HIVEP3: variants seen among roughly 807,000 people sequenced by gnomAD.
HIVEP3 encodes HIVEP zinc finger 3, also known as transcription factor HIVEP3.
In HIVEP3, 49 loss-of-function variants were observed where a neutral mutation model predicts 152.8. The observed-to-expected ratio is 0.32, with a 90% CI of 0.26 to 0.41. The LOEUF is 0.41. HIVEP3 is among the 10% of genes least tolerant of loss of function. The probability of loss-of-function intolerance (pLI) is 1.00; values close to 1 mark genes in which losing one functional copy is unlikely to be tolerated. For missense variants in HIVEP3, 2,790 were observed against 3,103.3 expected (o/e 0.90, Z 2.40); for synonymous variants, 1,269 against 1,289.0 (o/e 0.98, Z 0.33).
At chr1:41,725,808 A>C (rs1017381522) in intron 1 of HIVEP3, among the ~76,000 whole-genome samples, 9 of 152,250 alleles carry the variant, frequency 5.9e-5, no homozygotes, top group African/African-American at 2.2e-4. Flanking sequence ...TGAGTTGACC[A>C]GTCCCAGGGT....
intron 1 of HIVEP3, among the ~76,000 whole-genome samples, chr1:41,956,594 A>T (rs1272938714): frequency 6.6e-6 from 1 of 152,198 alleles, no homozygotes; most frequent in Admixed American, 6.5e-5. Context: ...TCTTATTTCC[A>T]TGCTTGTGTT....
intron 1 of HIVEP3, among the ~76,000 whole-genome samples, chr1:41,751,051 C>CGGACAT (rs1647153966): frequency 6.6e-6 from 1 of 152,118 alleles, no homozygotes; most frequent in Non-Finnish European, 1.5e-5. Context: ...TTCGTAAGAA[C>CGGACAT]GGACATGGGC....
intron 2 of HIVEP3, among the ~76,000 whole-genome samples, chr1:41,660,924 C>G (rs1333304385): frequency 6.6e-6 from 1 of 152,210 alleles, no homozygotes; most frequent in African/African-American, 2.4e-5. Context: ...AAATCTGCTA[C>G]TAGGCACACA....
intron 1 of HIVEP3, among the ~76,000 whole-genome samples, chr1:41,909,828 C>G (rs893500864): frequency 6.6e-6 from 1 of 151,942 alleles, no homozygotes; most frequent in African/African-American, 2.4e-5. Flanking sequence ...AACAAACATT[C>G]AGAGGATTAA....
intron 1 of HIVEP3, among the ~76,000 whole-genome samples, chr1:41,868,614 G>A (rs951612517): frequency 1.3e-5 from 2 of 152,088 alleles, no homozygotes; most frequent in African/African-American, 4.8e-5. Flanking sequence ...AACAACAAAC[G>A]ATTGCTTTAT....
At chr1:41,802,281 T>C (rs1264136006) in intron 1 of HIVEP3, among the ~76,000 whole-genome samples, 1 of 152,180 alleles carries the variant, frequency 6.6e-6, no homozygotes, top group Non-Finnish European at 1.5e-5. Flanking sequence ...AGTGGCGCCA[T>C]CTCAGCTCAC....
rs372897225 is a variant in HIVEP3 at position 41,560,626 on chromosome 1, G to A, written c.5207+14918C>T. ...TCACAGAGGACCTCATTGCCTCCCG[G>A]GGCCAGGACTTCACCCCGTGGACTG... On this transcript the variant is annotated intron_variant, in intron 5 of 8. Coordinates refer to ENST00000372583, the MANE Select transcript of HIVEP3 (RefSeq NM_024503.5). Among the ~76,000 whole-genome samples, 11 of 152,306 alleles carry A rather than the reference G, an allele frequency of 7.2e-5. No homozygotes were observed. The East Asian group carries it at 1.3e-3, about 19-fold the overall frequency.
intron 1 of HIVEP3, among the ~76,000 whole-genome samples, chr1:41,774,772 T>TTTTATTTA (rs199947047): frequency 0.16 from 22,776 of 143,690 alleles, 3,174 homozygotes; most frequent in African/African-American, 0.38. Flanking sequence ...GCATCTTTTA[T>TTTTATTTA]TTTATTTATT....
At chr1:41,646,483 T>G (rs919099139) in intron 2 of HIVEP3, among the ~76,000 whole-genome samples, 1 of 152,192 alleles carries the variant, frequency 6.6e-6, no homozygotes, top group African/African-American at 2.4e-5. Flanking sequence ...GGAGGGCTTA[T>G]GGAGAAGGAT....
chr1:41,812,807 T>TG (rs1197834730), intron 1 of HIVEP3, among the ~76,000 whole-genome samples: 1 of 123,884 alleles, frequency 8.1e-6, no homozygotes, highest in African/African-American at 3.1e-5. Context: ...CACTCCTCCT[T>TG]GGGGGTGGGG....
intron 5 of HIVEP3, among the ~76,000 whole-genome samples, chr1:41,565,234 G>T (rs752306566): frequency 6.6e-6 from 1 of 152,134 alleles, no homozygotes; most frequent in Non-Finnish European, 1.5e-5. Flanking sequence ...GGAGGTGGCC[G>T]GAGGTGGAAT....
chr1:41,625,806 G>A (rs999927593), intron 3 of HIVEP3, among the ~76,000 whole-genome samples: 4 of 152,146 alleles, frequency 2.6e-5, no homozygotes, highest in African/African-American at 9.6e-5. Context: ...ATAATTTGGA[G>A]ATAAGAAATA....
At chr1:41,988,358 A>G (rs1645336175) in intron 1 of HIVEP3, among the ~76,000 whole-genome samples, 1 of 152,224 alleles carries the variant, frequency 6.6e-6, no homozygotes, top group South Asian at 2.1e-4. Context: ...CCCAAAATAT[A>G]TAAGAAACTC....
chr1:41,562,628 TC>T (rs1644092634), intron 5 of HIVEP3, among the ~76,000 whole-genome samples: 1 of 123,224 alleles, frequency 8.1e-6, no homozygotes, highest in South Asian at 2.7e-4. Flanking sequence ...TCTCTCTCTC[TC>T]TCTCCCTCTC....
intron 1 of HIVEP3, among the ~76,000 whole-genome samples, chr1:41,783,173 G>A (rs1649150662): frequency 6.6e-6 from 1 of 152,332 alleles, no homozygotes; most frequent in East Asian, 1.9e-4. Context: ...AATCACAGGA[G>A]AAAAGGAGAA....
intron 1 of HIVEP3, among the ~76,000 whole-genome samples, chr1:41,780,743 G>C (rs987256642): frequency 6.6e-6 from 1 of 152,160 alleles, no homozygotes; most frequent in African/African-American, 2.4e-5. Flanking sequence ...GCCCAGATCA[G>C]CAACCAGGTC....
intron 2 of HIVEP3, among the ~76,000 whole-genome samples, chr1:41,678,784 T>C (rs1447061441): frequency 6.6e-6 from 1 of 152,182 alleles, no homozygotes; most frequent in Non-Finnish European, 1.5e-5. Flanking sequence ...CCTGCTCAGA[T>C]GATGACAGCT....
chr1:41,575,710 C>CA (rs768143352), intron 4 of HIVEP3, 21 bp from the exon 5 acceptor site: 10 of 1,612,076 alleles, frequency 6.2e-6, no homozygotes, highest in Middle Eastern at 3.3e-4. Flanking sequence ...GCAGGAATGA[C>CA]AAAATCATTG....
At chr1:41,701,317 G>A (rs1316464866) in intron 1 of HIVEP3, among the ~76,000 whole-genome samples, 5 of 152,244 alleles carry the variant, frequency 3.3e-5, no homozygotes, top group African/African-American at 1.2e-4. Context: ...CACCCTTTGT[G>A]GGTTCCCTAA....
Sources: allele counts gnomAD v4.1 joint callset (sites outside exome capture counted in the v4.1 genomes callset), GRCh38; gene constraint gnomAD v4.1.1; transcripts MANE v1.5; gene names NCBI Gene and HGNC (gene_info 2026-07-23, HGNC 2026-07-21).